MAN1C1: variants seen among roughly 807,000 people sequenced by gnomAD.
MAN1C1 encodes mannosyl-oligosaccharide 1,2-alpha-mannosidase IC.
In MAN1C1, 49 loss-of-function variants were observed where a neutral mutation model predicts 71.5. That is an observed-to-expected ratio of 0.69 (90% CI 0.54 to 0.87). MAN1C1 has a LOEUF of 0.87. Among genes scored for constraint, MAN1C1 ranks in the 40% least tolerant of loss-of-function variants. MAN1C1 has a pLI of 0.00. For synonymous variants in MAN1C1, 352 were observed against 343.7 expected (o/e 1.02, Z -0.27); for missense variants, 743 against 835.0 (o/e 0.89, Z 1.36).
At position 25,617,917 on chromosome 1, in the gene MAN1C1, C is replaced by A. The variant is rs144925660; in HGVS notation, c.120C>A (p.Leu40=). 1 of 1,607,244 alleles carries A rather than the reference C, an allele frequency of 6.2e-7. No homozygotes were observed. The highest frequency in any genetic ancestry group is 1.3e-5 in the African/African-American group (1 of 74,180). The change falls in exon 1 of 12, where the codon CTC becomes CTA. Residue 40 remains leucine (L), a synonymous_variant. Coordinates refer to ENST00000374332, the MANE Select transcript of MAN1C1 (RefSeq NM_020379.4). The surrounding 1 kb of genome is among the most constrained non-coding windows in gnomAD (Gnocchi z 5.1). ...TGGTCACCCTGTGCTTCGGGGCCCT[C>A]TTCCTGCTGCCCCACTCCTCTCGCC... The part of the protein sequence containing the change: ...SGLVTLCFGA[L]FLLPHSSRLK...
At chr1:25,705,113 T>C (rs1011741098) in intron 2 of MAN1C1, among the ~76,000 whole-genome samples, 1 of 152,256 alleles carries the variant, frequency 6.6e-6, no homozygotes, top group East Asian at 1.9e-4. Flanking sequence ...TTTTTCTCTT[T>C]TTTAAATGAT....
At position 25,775,719 on chromosome 1, in the gene MAN1C1, G is replaced by A. The variant is rs2047610197; in HGVS notation, c.1258-2386G>A. 6.6e-6 allele frequency among the ~76,000 whole-genome samples: 1 copy of A among 151,908 alleles called. No individual in the cohort carries two copies. The highest frequency in any genetic ancestry group is 2.1e-4 in the South Asian group (1 of 4,824). ...GGTGGGGTTAGCAGAGTCAGGGCTG[G>A]AGCATGCAGGAAGGAGGCGCAGCAC... On this transcript the variant is annotated intron_variant, in intron 8 of 11. Coordinates refer to ENST00000374332, the MANE Select transcript of MAN1C1 (RefSeq NM_020379.4). The surrounding 1 kb of genome is among the most constrained non-coding windows in gnomAD (Gnocchi z 5.1).
chr1:25,702,487 C>CAA (rs2046459995), intron 2 of MAN1C1, among the ~76,000 whole-genome samples: 2 of 152,208 alleles, frequency 1.3e-5, no homozygotes, highest in South Asian at 4.1e-4. Flanking sequence ...CCCATCCCCC[C>CAA]AAAACATACC....
At chr1:25,644,309 G>A (rs910952896) in intron 1 of MAN1C1, among the ~76,000 whole-genome samples, 3 of 151,766 alleles carry the variant, frequency 2.0e-5, no homozygotes, top group Non-Finnish European at 4.4e-5. Flanking sequence ...AGCTTGGAAA[G>A]GTCAAGGCTT....
At chr1:25,734,181 T>G (rs2046950163) in intron 2 of MAN1C1, among the ~76,000 whole-genome samples, 5 of 152,128 alleles carry the variant, frequency 3.3e-5, no homozygotes, top group Admixed American at 3.3e-4. Flanking sequence ...CAGGCTGGAG[T>G]GCAGTAGCGC....
intron 5 of MAN1C1, among the ~76,000 whole-genome samples, chr1:25,755,250 C>T (rs1029870685): frequency 2.0e-5 from 3 of 152,206 alleles, no homozygotes; most frequent in African/African-American, 2.4e-5. Context: ...GAGGCAGGGC[C>T]AGCCTGACCT....
intron 6 of MAN1C1, 159 bp from the exon 7 acceptor site, chr1:25,763,715 C>T (rs550336946): frequency 1.7e-5 from 11 of 635,302 alleles, no homozygotes; most frequent in Admixed American, 7.7e-5. Flanking sequence ...TCACCATCCC[C>T]GGGTTGGAGC....
intron 7 of MAN1C1, among the ~76,000 whole-genome samples, chr1:25,765,257 TC>T (rs1463888785): frequency 6.6e-6 from 1 of 151,828 alleles, no homozygotes; most frequent in Non-Finnish European, 1.5e-5. Flanking sequence ...TGTGGACAAG[TC>T]CCCCAGGCCT....
At chr1:25,745,369 A>G (rs1278117293) in intron 2 of MAN1C1, among the ~76,000 whole-genome samples, 1 of 151,674 alleles carries the variant, frequency 6.6e-6, no homozygotes, top group African/African-American at 2.4e-5. Flanking sequence ...GTTTCTGGTT[A>G]TAAGAAAGTA....
Position 25,778,103 on chromosome 1 carries a change from A to G in MAN1C1, c.1258-2A>G. The G allele has an allele frequency of 1.3e-6, 2 of 1,540,802 alleles. No individual in the cohort carries two copies. The highest frequency in any genetic ancestry group is 8.8e-7 in the Non-Finnish European group (1 of 1,138,498). On this transcript the variant is annotated splice_acceptor_variant, in intron 8 of 11. Coordinates refer to ENST00000374332, the MANE Select transcript of MAN1C1 (RefSeq NM_020379.4). LOFTEE classifies it high-confidence loss of function. This position sits in a 1 kb window ranked among gnomAD's most constrained non-coding sequence, Gnocchi z 5.5. ...CCTGCCCAATCCCCACCTTGCTCCC[A>G]GGCGATAGAGACCTACTTGCTGAAT...
chr1:25,688,188 T>C (rs541475387), intron 2 of MAN1C1, among the ~76,000 whole-genome samples: 1 of 152,338 alleles, frequency 6.6e-6, no homozygotes, highest in African/African-American at 2.4e-5. Context: ...CTGAGTCAAA[T>C]GGGAGGAAGA....
intron 1 of MAN1C1, among the ~76,000 whole-genome samples, chr1:25,682,058 A>G (rs1170407160): frequency 6.6e-6 from 1 of 152,190 alleles, no homozygotes; most frequent in South Asian, 2.1e-4. Flanking sequence ...AAAATGGAGA[A>G]TCGGGGGTTG....
At chr1:25,780,058 C>G (rs896778825) in intron 9 of MAN1C1, among the ~76,000 whole-genome samples, 3 of 152,044 alleles carry the variant, frequency 2.0e-5, no homozygotes, top group Non-Finnish European at 4.4e-5. Context: ...AGGGTCAAGT[C>G]CCAACTCAGC....
intron 7 of MAN1C1, among the ~76,000 whole-genome samples, chr1:25,766,605 AG>A (rs2047430181): frequency 6.6e-6 from 1 of 150,892 alleles, no homozygotes; most frequent in Non-Finnish European, 1.5e-5. Flanking sequence ...ACCGAGCTTC[AG>A]GGGTAACAGG....
At position 25,735,454 on chromosome 1, in the gene MAN1C1, ATG is replaced by A. The variant is rs1164458589; in HGVS notation, c.638-11208_638-11207del. Among the ~76,000 whole-genome samples the A allele has an allele frequency of 2.6e-5, 4 of 152,062 alleles. No homozygotes were observed. Among genetic ancestry groups the A allele is most frequent in the Non-Finnish European group, 5.9e-5 (4 of 68,012 alleles). On this transcript the variant is annotated intron_variant, in intron 2 of 11. Coordinates refer to ENST00000374332, the MANE Select transcript of MAN1C1 (RefSeq NM_020379.4). The surrounding 1 kb of genome is among the most constrained non-coding windows in gnomAD (Gnocchi z 4.6). ...TGTATGTATGTGTATGTATATATATATGTGTGTATCTATATATGTGTATGTAT... is the reference window on the plus strand; with the variant it reads ...TGTATGTATGTGTATGTATATATATATGTGTATCTATATATGTGTATGTAT...
At chr1:25,774,793 G>C (rs1333265350) in intron 8 of MAN1C1, among the ~76,000 whole-genome samples, 1 of 151,062 alleles carries the variant, frequency 6.6e-6, no homozygotes, top group Admixed American at 6.6e-5. Context: ...TGCTCCACAA[G>C]GAACAGCACA....
In MAN1C1 at chr1:25,769,431, T is replaced by C. The variant is rs1041744769; in HGVS notation, c.1142-2226T>C. Among the ~76,000 whole-genome samples the C allele has an allele frequency of 9.9e-5, 15 of 152,004 alleles. No individual in the cohort carries two copies. Among genetic ancestry groups the C allele is most frequent in the African/African-American group, 3.6e-4 (15 of 41,342 alleles). The stretch of plus-strand genomic sequence containing the variant: ...CACAAGCTGTAAAGCAGTGGGACTT[T>C]CACATGTGAGATGCCCACATAAGTG... On this transcript the variant is annotated intron_variant, in intron 7 of 11. Transcript: ENST00000374332. The surrounding 1 kb of genome is among the most constrained non-coding windows in gnomAD (Gnocchi z 4.8).
At chr1:25,767,651 C>CCA (rs764816285) in intron 7 of MAN1C1, among the ~76,000 whole-genome samples, 2 of 125,726 alleles carry the variant, frequency 1.6e-5, no homozygotes, top group African/African-American at 6.3e-5. Flanking sequence ...CACACTCCCC[C>CCA]CACACACAGA....
In MAN1C1 at chr1:25,782,854, T is replaced by G. The variant is rs1466842116; in HGVS notation, c.1766+154T>G. ...GATCCAGAGGGCTGCACCCCAGGTG[T>G]GAGCCTTGGGCCAGGCCGCTTTCTC... On this transcript the variant is annotated intron_variant, in intron 11 of 11. Coordinates refer to ENST00000374332, the MANE Select transcript of MAN1C1 (RefSeq NM_020379.4). This position sits in a 1 kb window ranked among gnomAD's most constrained non-coding sequence, Gnocchi z 4.4. 6.6e-6 allele frequency among the ~76,000 whole-genome samples: 1 copy of G among 152,014 alleles called. No individual in the cohort carries two copies. Among genetic ancestry groups the G allele is most frequent in the African/African-American group, 2.4e-5 (1 of 41,406 alleles).
Sources: allele counts gnomAD v4.1 joint callset (sites outside exome capture counted in the v4.1 genomes callset), GRCh38; gene constraint gnomAD v4.1.1; non-coding constraint Gnocchi (gnomAD v3.1); transcripts MANE v1.5; gene names NCBI Gene and HGNC (gene_info 2026-07-23, HGNC 2026-07-21).